The following ADGRB3 variants were observed in gnomAD, a reference collection of about 807,000 sequenced individuals.
ADGRB3 encodes brain-specific angiogenesis inhibitor 3.
Under a neutral mutation model 193.4 loss-of-function variants are expected in ADGRB3, and 37 were observed. The ratio of observed to expected loss-of-function variants is 0.19; its 90% CI spans 0.15 to 0.25. The LOEUF is 0.25. Ranked by LOEUF, ADGRB3 falls within the 10% of genes least tolerant of loss-of-function variation. The pLI is 1.00. For missense variants in ADGRB3, 1,637 were observed against 1,852.9 expected, an observed-to-expected ratio of 0.88 and a Z score of 2.14; for synonymous variants, 690 against 644.2, an observed-to-expected ratio of 1.07 and a Z score of -1.08.
chr6:69,121,084 G>A (rs940541396), intron 17 of ADGRB3, among the ~76,000 whole-genome samples: 1 of 149,516 alleles, frequency 6.7e-6, no homozygotes, highest in African/African-American at 2.5e-5. Flanking sequence ...TAGGATAATA[G>A]TGGAGAGAAG....
rs571260103 is a variant in ADGRB3 at position 69,091,761 on chromosome 6, C to A, written c.2480+15723C>A. On this transcript the variant is annotated intron_variant, in intron 17 of 31. Coordinates refer to ENST00000370598, the MANE Select transcript of ADGRB3 (RefSeq NM_001704.3). ...GATACAAATTTACCTAATTAACAGA[C>A]CTGACTTTGTACTCCTGAACTTAAA... Among the ~76,000 whole-genome samples, 8 of 152,008 alleles carry A rather than the reference C, an allele frequency of 5.3e-5. 1 individual carries two copies. The South Asian group carries it at 1.5e-3, about 28-fold the overall frequency.
intron 17 of ADGRB3, among the ~76,000 whole-genome samples, chr6:69,155,721 A>G (rs1185418440): frequency 6.6e-6 from 1 of 152,182 alleles, no homozygotes; most frequent in Non-Finnish European, 1.5e-5. Flanking sequence ...CATTTGAAAA[A>G]TTTTTATAGG....
At chr6:69,069,741 AAAAAAAAAAG>A (rs1249518854) in intron 16 of ADGRB3, among the ~76,000 whole-genome samples, 1 of 130,724 alleles carries the variant, frequency 7.6e-6, no homozygotes, top group Non-Finnish European at 1.6e-5. Context: ...TAAAAAAAAA[AAAAAAAAAAG>A]AAAGAAAGAA....
At chr6:69,374,850 G>T (rs944157380) in intron 30 of ADGRB3, among the ~76,000 whole-genome samples, 1 of 151,982 alleles carries the variant, frequency 6.6e-6, no homozygotes, top group Admixed American at 6.6e-5. Context: ...AATGTTATTG[G>T]ACACTGTACC....
At chr6:69,230,011 A>G (rs1417291916) in intron 17 of ADGRB3, among the ~76,000 whole-genome samples, 1 of 152,208 alleles carries the variant, frequency 6.6e-6, no homozygotes, top group Non-Finnish European at 1.5e-5. Flanking sequence ...AAGAAGAGGT[A>G]CAGTTTACAG....
chr6:68,989,745 A>G (rs1377541287), intron 10 of ADGRB3, among the ~76,000 whole-genome samples: 2 of 152,164 alleles, frequency 1.3e-5, no homozygotes, highest in East Asian at 1.9e-4. Context: ...CTACTTAGAC[A>G]TGACATACTA....
chr6:69,006,526 G>A (rs1216224267), intron 11 of ADGRB3, among the ~76,000 whole-genome samples: 1 of 146,952 alleles, frequency 6.8e-6, no homozygotes, highest in Non-Finnish European at 1.5e-5. Context: ...TTTTTTTTAA[G>A]ATGGAGTCTC....
chr6:69,265,081 A>G (rs1767010896), intron 20 of ADGRB3, among the ~76,000 whole-genome samples: 1 of 151,990 alleles, frequency 6.6e-6, no homozygotes, highest in South Asian at 2.1e-4. Flanking sequence ...ATAAAGTGGA[A>G]CATTGCCTTA....
At chr6:68,666,900 C>T (rs1768815239) in intron 3 of ADGRB3, among the ~76,000 whole-genome samples, 1 of 151,486 alleles carries the variant, frequency 6.6e-6, no homozygotes, top group African/African-American at 2.4e-5. Context: ...TTTGTACTCT[C>T]TGAAAAAAAG....
intron 3 of ADGRB3, among the ~76,000 whole-genome samples, chr6:68,887,743 A>G (rs182802591): frequency 4.0e-4 from 61 of 152,284 alleles, no homozygotes; most frequent in Non-Finnish European, 6.6e-4. Context: ...TTATATTTTT[A>G]AAAACACCTA....
chr6:69,163,381 T>C (rs1187162541), intron 17 of ADGRB3, among the ~76,000 whole-genome samples: 1 of 152,106 alleles, frequency 6.6e-6, no homozygotes, highest in Non-Finnish European at 1.5e-5. Flanking sequence ...TGCAACCAGG[T>C]ACCCCTCTTC....
chr6:69,273,728 TG>T (rs1767230117), intron 20 of ADGRB3, among the ~76,000 whole-genome samples: 1 of 152,166 alleles, frequency 6.6e-6, no homozygotes, highest in Non-Finnish European at 1.5e-5. Flanking sequence ...AAGACAACCT[TG>T]AACAGTTGTG....
chr6:69,288,097 TGCAG>T (rs772850978), intron 20 of ADGRB3, among the ~76,000 whole-genome samples: 4 of 152,184 alleles, frequency 2.6e-5, no homozygotes, highest in African/African-American at 9.7e-5. Flanking sequence ...GTGCAGAACG[TGCAG>T]GTTTGTTACA....
At chr6:69,017,216 G>A (rs973449147) in intron 12 of ADGRB3, among the ~76,000 whole-genome samples, 2 of 151,832 alleles carry the variant, frequency 1.3e-5, no homozygotes, top group African/African-American at 2.4e-5. Context: ...ACAACCGCAA[G>A]CCCCTTTGAA....
chr6:68,655,289 G>T (rs907892968), intron 3 of ADGRB3, among the ~76,000 whole-genome samples: 1 of 151,218 alleles, frequency 6.6e-6, no homozygotes, highest in African/African-American at 2.4e-5. Context: ...AAACATCAGG[G>T]TTTTGTTTTG....
At position 69,388,622 on chromosome 6, in the gene ADGRB3, C is replaced by T. The variant is rs1426129594; in HGVS notation, c.4381-81C>T. Reference sequence around the variant, plus strand: ...ACAGAAACTGGATTAAGATTACAAACACGCTCTCTTCCTGGAAACTTCAAC... The same window carrying T: ...ACAGAAACTGGATTAAGATTACAAATACGCTCTCTTCCTGGAAACTTCAAC... On this transcript the variant is annotated intron_variant, in intron 31 of 31. Coordinates refer to ENST00000370598, the MANE Select transcript of ADGRB3 (RefSeq NM_001704.3). The T allele has an allele frequency of 6.0e-6, 8 of 1,323,038 alleles. No individual in the cohort carries two copies. The Admixed American group carries it at 1.7e-4, about 28-fold the overall frequency. The allele number at this position is 1,323,038 out of a possible 1,614,324, so 82.0% of individuals were successfully genotyped here. A position where few individuals can be genotyped will look rare whatever the true frequency, so the allele number is the denominator to read the frequency against.
At chr6:68,996,462 C>G (rs1039995570) in intron 11 of ADGRB3, among the ~76,000 whole-genome samples, 6 of 152,176 alleles carry the variant, frequency 3.9e-5, no homozygotes, top group Non-Finnish European at 8.8e-5. Flanking sequence ...TCCCGAATGA[C>G]AACTTGAAGT....
At chr6:69,339,547 G>A in intron 26 of ADGRB3, 43 bp downstream of exon 26, 1 of 1,563,866 alleles carries the variant, frequency 6.4e-7, no homozygotes. Flanking sequence ...TGGTTGGAAT[G>A]GTATTTCCTT....
chr6:69,275,820 T>C (rs746446337), intron 20 of ADGRB3, among the ~76,000 whole-genome samples: 1 of 152,154 alleles, frequency 6.6e-6, no homozygotes, highest in Non-Finnish European at 1.5e-5. Context: ...TGATAGCCTC[T>C]TGAGTGTTTT....
Sources: allele counts gnomAD v4.1 joint callset (sites outside exome capture counted in the v4.1 genomes callset), GRCh38; gene constraint gnomAD v4.1.1; transcripts MANE v1.5; gene names NCBI Gene and HGNC (gene_info 2026-07-23, HGNC 2026-07-21).